CIST1: variants seen among roughly 807,000 people sequenced by gnomAD.
CIST1 encodes uncharacterized LOC729966.
the CIST1 span, among the ~76,000 whole-genome samples, chr19:18,254,674 C>T: frequency 5.9e-5 from 9 of 152,314 alleles, no homozygotes; most frequent in Non-Finnish European, 1.0e-4. Context: ...TGGGGTAGGA[C>T]ACCGGTCAGA....
the CIST1 span, among the ~76,000 whole-genome samples, chr19:18,251,702 C>CCCG: frequency 2.1e-5 from 3 of 141,792 alleles, no homozygotes; most frequent in Admixed American, 7.1e-5. Flanking sequence ...CGCCCCCGCC[C>CCCG]TCGGCCTCCC....
chr19:18,251,074 C>A, the CIST1 span, among the ~76,000 whole-genome samples: 1 of 151,466 alleles, frequency 6.6e-6, no homozygotes, highest in Non-Finnish European at 1.5e-5. Flanking sequence ...CTGAGCCCAG[C>A]CTAATTTTTA....
At chr19:18,253,513 T>C in the CIST1 span, among the ~76,000 whole-genome samples, 1 of 149,584 alleles carries the variant, frequency 6.7e-6, no homozygotes, top group East Asian at 2.0e-4. Flanking sequence ...ATCATGCCAC[T>C]GAACTCCAGC....
At chr19:18,252,028 A>G in the CIST1 span, 1 of 398,140 alleles carries the variant, frequency 2.5e-6, no homozygotes, top group African/African-American at 2.1e-5. Context: ...TACACCCGCC[A>G]CCTCCCTACA....
the CIST1 span, among the ~76,000 whole-genome samples, chr19:18,251,699 G>GCCCCCGC: frequency 1.9e-5 from 1 of 53,040 alleles, no homozygotes; most frequent in African/African-American, 7.4e-5. Flanking sequence ...CCCCGCCCCC[G>GCCCCCGC]CCCTCGGCCT....
chr19:18,252,911 CATTTTT>C, the CIST1 span, among the ~76,000 whole-genome samples: 2 of 152,140 alleles, frequency 1.3e-5, no homozygotes, highest in African/African-American at 2.4e-5. Context: ...CCAGCCTTTT[CATTTTT>C]ATTTTTAATT....
the CIST1 span, among the ~76,000 whole-genome samples, chr19:18,253,990 G>C: frequency 0.33 from 49,443 of 152,090 alleles, 8,399 homozygotes; most frequent in South Asian, 0.43. Context: ...GCAGAAATGC[G>C]GAAATAACAC....
chr19:18,252,222 T>C, the CIST1 span: 7 of 398,556 alleles, frequency 1.8e-5, no homozygotes, highest in African/African-American at 1.4e-4. Flanking sequence ...AGAACTAGGG[T>C]GCGTGATTGT....
chr19:18,255,408 C>T, the CIST1 span: 11 of 397,092 alleles, frequency 2.8e-5, no homozygotes, highest in African/African-American at 6.2e-5. The surrounding 1 kb of genome is among the most constrained non-coding windows in gnomAD (Gnocchi z 4.6). Context: ...TCCCTGCTGG[C>T]GGAGCGCGGG....
At chr19:18,252,616 C>CTT in the CIST1 span, 19 of 300,000 alleles carry the variant, frequency 6.3e-5, 1 homozygote, top group African/African-American at 1.1e-4. Context: ...TTCTCTCTCT[C>CTT]TTTTTTTTTT....
the CIST1 span, chr19:18,252,043 C>G: frequency 2.5e-6 from 1 of 398,662 alleles, no homozygotes; most frequent in African/African-American, 2.1e-5. Flanking sequence ...CCTACAAACA[C>G]CCAAATCTCT....
At chr19:18,252,169 G>A in the CIST1 span, 1 of 399,250 alleles carries the variant, frequency 2.5e-6, no homozygotes, top group Non-Finnish European at 4.4e-6. Flanking sequence ...GAACTGGGGA[G>A]GGTGGAATGG....
the CIST1 span, chr19:18,251,940 C>G: frequency 2.5e-6 from 1 of 397,008 alleles, no homozygotes; most frequent in Non-Finnish European, 4.4e-6. Flanking sequence ...GACAATGGAG[C>G]AGAGACAAGA....
At chr19:18,254,446 A>T in the CIST1 span, among the ~76,000 whole-genome samples, 1 of 152,166 alleles carries the variant, frequency 6.6e-6, no homozygotes, top group Non-Finnish European at 1.5e-5. Flanking sequence ...GTTTCTAGGC[A>T]CTGTGCTGGG....
chr19:18,251,676 A>ACCCCCCCCC, the CIST1 span, among the ~76,000 whole-genome samples: 159 of 23,576 alleles, frequency 6.7e-3, 3 homozygotes, highest in African/African-American at 0.018. Flanking sequence ...CTCGTGATAC[A>ACCCCCCCCC]CGCCCCCCCC....
At chr19:18,252,108 T>C in the CIST1 span, 1 of 398,998 alleles carries the variant, frequency 2.5e-6, no homozygotes, top group Non-Finnish European at 4.4e-6. Flanking sequence ...GGTCAAGGGC[T>C]CCGTTCCGGG....
At chr19:18,251,380 C>A in the CIST1 span, among the ~76,000 whole-genome samples, 1 of 151,492 alleles carries the variant, frequency 6.6e-6, no homozygotes, top group African/African-American at 2.4e-5. Context: ...CCCACCTTGG[C>A]CTCCCAAAGT....
At chr19:18,253,550 C>CAAA in the CIST1 span, among the ~76,000 whole-genome samples, 135 of 123,762 alleles carry the variant, frequency 1.1e-3, no homozygotes, top group African/African-American at 3.5e-3. Flanking sequence ...GACTCCGTCT[C>CAAA]AAAAAAAAAA....
the CIST1 span, among the ~76,000 whole-genome samples, chr19:18,254,201 A>G: frequency 6.6e-6 from 1 of 152,218 alleles, no homozygotes. Context: ...GGAGCTGGGA[A>G]GAACGCCCCT....
Sources: gnomAD v4.1 joint callset for allele counts (sites outside exome capture counted in the v4.1 genomes callset) on GRCh38, gnomAD v4.1.1 for gene constraint, Gnocchi (gnomAD v3.1) non-coding constraint, MANE v1.5 for transcripts, NCBI Gene and HGNC (gene_info 2026-07-23, HGNC 2026-07-21) for gene names.